Variants in MGRN1 observed in about 807,000 individuals in gnomAD.
The protein encoded by MGRN1 is mahogunin ring finger 1, also known as E3 ubiquitin-protein ligase MGRN1.
Under a neutral mutation model 69.2 loss-of-function variants are expected in MGRN1, and 29 were observed. The observed-to-expected ratio is 0.42, with a 90% CI of 0.31 to 0.57. The LOEUF is 0.57. Ranked by LOEUF, MGRN1 falls within the 20% of genes least tolerant of loss-of-function variation. The pLI is 0.15. For synonymous variants in MGRN1, 470 were observed against 344.2 expected, an observed-to-expected ratio of 1.37 and a Z score of -4.04; for missense variants, 998 against 796.2, an observed-to-expected ratio of 1.25 and a Z score of -3.05.
At chr16:4,629,150 ATGTGTGTGTGTGTGTGTGTGTG>A (rs377682804) in intron 1 of MGRN1, among the ~76,000 whole-genome samples, 4 of 127,696 alleles carry the variant, frequency 3.1e-5, no homozygotes, top group East Asian at 4.6e-4. Context: ...TTCTGTTCGT[ATGTGTGTGTGTGTGTGTGTGTG>A]TGTGTGTGTG....
At chr16:4,688,365 G>A in intron 16 of MGRN1, 2 of 997,508 alleles carry the variant, frequency 2.0e-6, no homozygotes, top group Non-Finnish European at 2.4e-6. Flanking sequence ...GCACGGGCTT[G>A]TTCTCACCCA....
chr16:4,630,734 T>C (rs1051088490), intron 1 of MGRN1, among the ~76,000 whole-genome samples: 1 of 152,098 alleles, frequency 6.6e-6, no homozygotes, highest in African/African-American at 2.4e-5. Flanking sequence ...CGTGAGCCGC[T>C]GTGCCCGGCC....
intron 16 of MGRN1, chr16:4,686,312 C>G: frequency 6.5e-7 from 1 of 1,544,758 alleles, no homozygotes; most frequent in Non-Finnish European, 8.7e-7. Context: ...CGGTACGTGA[C>G]CTCCCAGACG....
chr16:4,679,947 G>A (rs1228733120), intron 11 of MGRN1, 85 bp from the exon 12 acceptor site: 4 of 1,287,214 alleles, frequency 3.1e-6, no homozygotes, highest in South Asian at 2.5e-5. Flanking sequence ...GGTGTGGCAA[G>A]AGGACAGCCA....
intron 4 of MGRN1, among the ~76,000 whole-genome samples, chr16:4,655,855 G>T (rs1471575874): frequency 6.6e-6 from 1 of 152,258 alleles, no homozygotes; most frequent in Non-Finnish European, 1.5e-5. Context: ...CAGACAGAGG[G>T]GTGTGTCCAG....
At position 4,657,303 on chromosome 16, in the gene MGRN1, G is replaced by A; in HGVS notation, c.501G>A (p.Val167=). 6.2e-7 allele frequency: 1 copy of A among 1,614,208 alleles called. No homozygotes were observed. The highest frequency in any genetic ancestry group is 8.5e-7 in the Non-Finnish European group (1 of 1,180,012). The part of the protein sequence containing the change: ...QSETVHYKRG[V]SQQFSLPSFK... Reference sequence around the variant, plus strand: ...AGACCGTCCACTACAAGAGAGGGGTGAGCCAGCAGTTCTCCCTGCCCTCCT... The same window carrying A: ...AGACCGTCCACTACAAGAGAGGGGTAAGCCAGCAGTTCTCCCTGCCCTCCT... The change falls in exon 5 of 17, where the codon GTG becomes GTA. Residue 167 remains valine, a synonymous_variant. Transcript: ENST00000262370.
intron 1 of MGRN1, among the ~76,000 whole-genome samples, chr16:4,638,634 C>T (rs1596263365): frequency 6.6e-6 from 1 of 152,334 alleles, no homozygotes; most frequent in East Asian, 1.9e-4. Flanking sequence ...CCCCCTCTGG[C>T]CTCCCACCTG....
chr16:4,674,411 C>T (rs2079007995), intron 10 of MGRN1, among the ~76,000 whole-genome samples: 2 of 151,738 alleles, frequency 1.3e-5, no homozygotes, highest in Non-Finnish European at 2.9e-5. Flanking sequence ...GCCTCAGCCT[C>T]CTGAGTAGAT....
chr16:4,645,142 TGGC>T (rs1383727023), intron 1 of MGRN1, among the ~76,000 whole-genome samples: 1 of 7,164 alleles, frequency 1.4e-4, no homozygotes, highest in African/African-American at 6.1e-4. Context: ...GAGTGAGAGT[TGGC>T]GGGGGTGGGG....
intron 15 of MGRN1, 122 bp from the exon 16 acceptor site, chr16:4,683,721 A>G (rs2079242320): frequency 1.4e-5 from 11 of 766,340 alleles, no homozygotes; most frequent in Non-Finnish European, 2.3e-5. Context: ...GCTGGAGCAC[A>G]AGCCTGGGGT....
intron 5 of MGRN1, among the ~76,000 whole-genome samples, chr16:4,661,373 G>A (rs1237149394): frequency 1.3e-5 from 2 of 152,192 alleles, no homozygotes; most frequent in East Asian, 3.9e-4. Context: ...CTTTTCTCCT[G>A]CACCCTCCAG....
chr16:4,638,786 CAGTG>C lies in MGRN1; in HGVS notation c.89-11576_89-11573del, dbSNP rs565149317. ...GAGGAGAATTTTCAGCAGGTGGAATCAGTGAGCTGTTCGGAGCCCCTGCAGACAC... is the reference window on the plus strand; with the variant it reads ...GAGGAGAATTTTCAGCAGGTGGAATCAGCTGTTCGGAGCCCCTGCAGACAC... On this transcript the variant is annotated intron_variant, in intron 1 of 16. Transcript: ENST00000262370. 1.5e-3 allele frequency among the ~76,000 whole-genome samples: 225 copies of C among 152,356 alleles called. 1 individual carries two copies. Among genetic ancestry groups the C allele is most frequent in the African/African-American group, 5.0e-3 (210 of 41,586 alleles).
At chr16:4,661,133 C>T (rs1204264368) in intron 5 of MGRN1, among the ~76,000 whole-genome samples, 1 of 145,582 alleles carries the variant, frequency 6.9e-6, no homozygotes, top group Admixed American at 7.0e-5. Context: ...GGTGCCACAA[C>T]TACTGGCTGA....
intron 11 of MGRN1, among the ~76,000 whole-genome samples, chr16:4,678,768 T>G (rs1006732109): frequency 6.6e-6 from 1 of 152,214 alleles, no homozygotes; most frequent in African/African-American, 2.4e-5. Context: ...CGTTGGTTCT[T>G]CCAGGCTCTG....
chr16:4,652,118 C>G, intron 3 of MGRN1, 67 bp downstream of exon 3: 1 of 1,498,678 alleles, frequency 6.7e-7, no homozygotes, highest in Non-Finnish European at 9.2e-7. Flanking sequence ...GAGGTTCTGG[C>G]TTGATGCTTG....
rs770116304 is a variant in MGRN1, at chr16:4,681,546, A to G, written c.1132-4A>G. 8.1e-6 allele frequency: 13 copies of G among 1,611,486 alleles called. No individual in the cohort carries two copies. The highest frequency in any genetic ancestry group is 2.2e-5 in the East Asian group (1 of 44,834). ...GAGCCCCCTCACGCACCCTGTCCCT[A>G]CAGAACTCTGACAGCGTCCCACCTG... On this transcript the variant is annotated splice_region_variant and splice_polypyrimidine_tract_variant and intron_variant, in intron 12 of 16. Coordinates refer to ENST00000262370, the MANE Select transcript of MGRN1 (RefSeq NM_015246.4).
At chr16:4,688,348 A>G (rs1255398837) in intron 16 of MGRN1, 15 of 990,944 alleles carry the variant, frequency 1.5e-5, no homozygotes, top group Non-Finnish European at 1.8e-5. Flanking sequence ...TCCGGGGGCT[A>G]CTCTGAGCAC....
At chr16:4,651,913 G>C in intron 2 of MGRN1, 50 bp from the exon 3 acceptor site, 1 of 1,559,018 alleles carries the variant, frequency 6.4e-7, no homozygotes, top group East Asian at 2.2e-5. Flanking sequence ...GTTTTCTGTT[G>C]TTGGCTGCTC....
chr16:4,661,324 CG>C (rs1389941450), intron 5 of MGRN1, among the ~76,000 whole-genome samples: 1 of 152,170 alleles, frequency 6.6e-6, no homozygotes, highest in Non-Finnish European at 1.5e-5. Context: ...TTCACAAAGC[CG>C]TGGCCCAGGA....
Sources: gnomAD v4.1 joint callset for allele counts (sites outside exome capture counted in the v4.1 genomes callset) on GRCh38, gnomAD v4.1.1 for gene constraint, MANE v1.5 for transcripts, NCBI Gene and HGNC (gene_info 2026-07-23, HGNC 2026-07-21) for gene names.